Variants in KALRN observed in about 807,000 individuals in gnomAD.
KALRN encodes kalirin.
Under a neutral mutation model 353.7 loss-of-function variants are expected in KALRN, and 70 were observed. The observed-to-expected ratio is 0.20, with a 90% CI of 0.16 to 0.24. The LOEUF is 0.24. Ranked by LOEUF, KALRN falls within the 10% of genes least tolerant of loss-of-function variation. The probability of loss-of-function intolerance (pLI) is 1.00; values close to 1 mark genes in which losing one functional copy is unlikely to be tolerated. For missense variants in KALRN, 2,791 were observed against 3,756.7 expected (o/e 0.74, Z 6.72); for synonymous variants, 1,391 against 1,434.8 (o/e 0.97, Z 0.69).
chr3:124,327,242 A>C (rs1401964345), intron 7 of KALRN, among the ~76,000 whole-genome samples: 2 of 152,234 alleles, frequency 1.3e-5, no homozygotes, highest in Admixed American at 1.3e-4. Context: ...AACACACAAA[A>C]ATCAAGGAAA....
At chr3:124,394,645 T>C (rs1031075848) in intron 11 of KALRN, among the ~76,000 whole-genome samples, 1 of 152,246 alleles carries the variant, frequency 6.6e-6, no homozygotes, top group Non-Finnish European at 1.5e-5. Flanking sequence ...CAAAATAGTA[T>C]GGAATATGTA....
At chr3:124,423,867 T>C (rs915095060) in intron 15 of KALRN, among the ~76,000 whole-genome samples, 1 of 152,228 alleles carries the variant, frequency 6.6e-6, no homozygotes, top group Non-Finnish European at 1.5e-5. Flanking sequence ...CAAGACCCTG[T>C]TTCCAAAAAA....
intron 6 of KALRN, among the ~76,000 whole-genome samples, chr3:124,313,679 T>G (rs530858806): frequency 6.6e-6 from 1 of 152,298 alleles, no homozygotes; most frequent in South Asian, 2.1e-4. Flanking sequence ...GGGAAGCTTT[T>G]TAAAAATGCC....
At chr3:124,481,508 G>GT (rs1271833537) in intron 27 of KALRN, among the ~76,000 whole-genome samples, 1 of 152,228 alleles carries the variant, frequency 6.6e-6, no homozygotes, top group Non-Finnish European at 1.5e-5. Flanking sequence ...TGCCCCGCCT[G>GT]TTTTTTCTGT....
At chr3:124,494,389 C>T (rs1288239139) in intron 32 of KALRN, among the ~76,000 whole-genome samples, 1 of 152,214 alleles carries the variant, frequency 6.6e-6, no homozygotes, top group African/African-American at 2.4e-5. Flanking sequence ...CTGGAGTGGA[C>T]CAGAAGGGCC....
Position 124,467,387 on chromosome 3 carries a change from C to A in KALRN, c.4031+4754C>A, listed in dbSNP as rs151015909. ...GAACCCAGCCTCTGCCCTCTGGGTT[C>A]TGAGAATGACATATCTGTCTGCAAT... On this transcript the variant is annotated intron_variant, in intron 25 of 59. Transcript: ENST00000682506. 6.2e-3 allele frequency among the ~76,000 whole-genome samples: 946 copies of A among 152,256 alleles called. 12 individuals are homozygous for A. The highest frequency in any genetic ancestry group is 0.022 in the African/African-American group (902 of 41,542).
At chr3:124,190,637 T>C (rs2074798821) in intron 1 of KALRN, among the ~76,000 whole-genome samples, 2 of 152,104 alleles carry the variant, frequency 1.3e-5, no homozygotes, top group Non-Finnish European at 2.9e-5. Context: ...GCTCTAACAG[T>C]TGGAATGGGT....
chr3:124,380,815 C>T (rs2087255758), intron 10 of KALRN, among the ~76,000 whole-genome samples: 2 of 152,122 alleles, frequency 1.3e-5, no homozygotes, highest in South Asian at 4.2e-4. Flanking sequence ...AAGGCTGTGC[C>T]AGGAGGTAGG....
At chr3:124,350,721 C>T (rs541190518) in intron 10 of KALRN, among the ~76,000 whole-genome samples, 1 of 152,276 alleles carries the variant, frequency 6.6e-6, no homozygotes, top group East Asian at 1.9e-4. Context: ...ATCCACATCT[C>T]CCTGACTCTG....
intron 1 of KALRN, among the ~76,000 whole-genome samples, chr3:124,105,556 A>G (rs2149459371): frequency 6.6e-6 from 1 of 152,308 alleles, no homozygotes; most frequent in Admixed American, 6.5e-5. Context: ...GAGGAGAGCC[A>G]GGACATAATA....
intron 1 of KALRN, among the ~76,000 whole-genome samples, chr3:124,079,176 C>T (rs1427433214): frequency 6.6e-6 from 1 of 152,152 alleles, no homozygotes; most frequent in Non-Finnish European, 1.5e-5. Context: ...TGATCTGCAG[C>T]TGCAGAGGAA....
intron 19 of KALRN, among the ~76,000 whole-genome samples, chr3:124,444,230 C>T (rs1175047223): frequency 2.6e-5 from 4 of 152,178 alleles, no homozygotes; most frequent in South Asian, 4.1e-4. Context: ...GTTTGCTCCA[C>T]GTGTATTTAT....
chr3:124,132,570 A>C (rs2065427314), intron 1 of KALRN, among the ~76,000 whole-genome samples: 1 of 152,228 alleles, frequency 6.6e-6, no homozygotes. Context: ...CAGCCTGGGC[A>C]GAGATCTTCT....
intron 1 of KALRN, among the ~76,000 whole-genome samples, chr3:124,057,018 C>G (rs550282275): frequency 1.3e-5 from 2 of 152,312 alleles, no homozygotes; most frequent in East Asian, 1.9e-4. Flanking sequence ...TTTGGCAAAT[C>G]TTTTTCCCCA....
intron 51 of KALRN, among the ~76,000 whole-genome samples, chr3:124,680,844 T>G (rs910344656): frequency 6.6e-6 from 1 of 152,066 alleles, no homozygotes; most frequent in Admixed American, 6.5e-5. Context: ...TGGGAGAAAG[T>G]GGAGGTGGCA....
intron 14 of KALRN, among the ~76,000 whole-genome samples, chr3:124,416,071 T>C (rs2092476930): frequency 6.6e-6 from 1 of 152,198 alleles, no homozygotes; most frequent in Non-Finnish European, 1.5e-5. Context: ...TCTATGCAGC[T>C]ACGACTGGGA....
intron 6 of KALRN, among the ~76,000 whole-genome samples, chr3:124,318,845 C>T (rs1191115897): frequency 2.6e-5 from 4 of 152,194 alleles, no homozygotes; most frequent in Non-Finnish European, 4.4e-5. Flanking sequence ...CTCATTCTTC[C>T]TCTTTCTTTG....
At chr3:124,610,787 G>T (rs1048238247) in intron 34 of KALRN, among the ~76,000 whole-genome samples, 2 of 152,078 alleles carry the variant, frequency 1.3e-5, no homozygotes, top group African/African-American at 4.8e-5. Flanking sequence ...GAGGCAGGAG[G>T]ATGGCTGGAG....
At chr3:124,129,213 G>C (rs976943172) in intron 1 of KALRN, among the ~76,000 whole-genome samples, 5 of 152,126 alleles carry the variant, frequency 3.3e-5, no homozygotes, top group Non-Finnish European at 4.4e-5. Flanking sequence ...CCAGCATCAT[G>C]GTGGCATGGA....
Sources: allele counts gnomAD v4.1 joint callset (sites outside exome capture counted in the v4.1 genomes callset), GRCh38; gene constraint gnomAD v4.1.1; transcripts MANE v1.5; gene names NCBI Gene and HGNC (gene_info 2026-07-23, HGNC 2026-07-21).